SORL1: variants seen among roughly 807,000 people sequenced by gnomAD.
The protein encoded by SORL1 is sortilin related receptor 1, also known as sortilin-related receptor.
In SORL1, 127 loss-of-function variants were observed where a neutral mutation model predicts 273.7. The ratio of observed to expected loss-of-function variants is 0.46; its 90% CI spans 0.40 to 0.54. SORL1 has a LOEUF of 0.54. Among genes scored for constraint, SORL1 ranks in the 20% least tolerant of loss-of-function variants. SORL1 has a pLI of 0.00. For missense variants in SORL1, 2,494 were observed against 2,846.1 expected (o/e 0.88, Z 2.81); for synonymous variants, 1,031 against 1,067.4 (o/e 0.97, Z 0.66).
intron 2 of SORL1, among the ~76,000 whole-genome samples, chr11:121,470,913 C>G (rs1159685282): frequency 6.6e-6 from 1 of 152,000 alleles, no homozygotes; most frequent in Non-Finnish European, 1.5e-5. Context: ...GGTCTCGAAC[C>G]CCTGGGCTCA....
At chr11:121,497,441 T>C (rs1482039846) in intron 6 of SORL1, among the ~76,000 whole-genome samples, 1 of 152,250 alleles carries the variant, frequency 6.6e-6, no homozygotes, top group Non-Finnish European at 1.5e-5. Flanking sequence ...AAACTTATGC[T>C]GATTTCTTTG....
chr11:121,603,043 A>G (rs917660977), intron 32 of SORL1, among the ~76,000 whole-genome samples: 2 of 152,210 alleles, frequency 1.3e-5, no homozygotes, highest in African/African-American at 4.8e-5. Flanking sequence ...CACCACAACC[A>G]GAAAAGGGTC....
intron 23 of SORL1, among the ~76,000 whole-genome samples, chr11:121,573,749 G>A (rs1002484993): frequency 2.6e-5 from 4 of 152,192 alleles, no homozygotes; most frequent in African/African-American, 9.7e-5. Flanking sequence ...GTAGAGCCAC[G>A]ATTTGGTACC....
chr11:121,625,136 G>A lies in SORL1; in HGVS notation c.6223G>A (p.Gly2075Arg). The A allele has an allele frequency of 6.2e-7, 1 of 1,613,382 alleles. No homozygotes were observed. Among genetic ancestry groups the A allele is most frequent in the Non-Finnish European group, 8.5e-7 (1 of 1,179,398 alleles). Residue 2075 changes from glycine (G) to arginine (R), a missense_variant, in exon 46 of 48, where the codon GGG becomes AGG. Gly to Arg is a moderately radical substitution (Grantham distance 125, BLOSUM62 -2). Around this residue, in one of 3 missense-constraint regions of SORL1, gnomAD observed 1,609 missense variants for 1,816.4 expected, o/e 0.89. Coordinates refer to ENST00000260197, the MANE Select transcript of SORL1 (RefSeq NM_003105.6). ...TGCCATGAATATCACAGCTTACCTT[G>A]GGAATACTACTGACAATTTCTTTAA... Reference protein sequence around the residue: ...DSAMNITAYLGNTTDNFFKIS... With the variant: ...DSAMNITAYLRNTTDNFFKIS...
chr11:121,460,525 A>G (rs1860981424), intron 1 of SORL1, among the ~76,000 whole-genome samples: 1 of 150,736 alleles, frequency 6.6e-6, no homozygotes, highest in African/African-American at 2.4e-5. Context: ...CCTCCTGAGT[A>G]GCTGGGATTA....
At chr11:121,559,458 T>C (rs576069454) in intron 20 of SORL1, 61 bp from the exon 21 acceptor site, 2 of 1,560,634 alleles carry the variant, frequency 1.3e-6, no homozygotes, top group Non-Finnish European at 8.7e-7. Flanking sequence ...CTCTTACCCT[T>C]AGAGAGAACC....
chr11:121,625,934 C>A (rs1305890962), intron 46 of SORL1, among the ~76,000 whole-genome samples: 2 of 152,144 alleles, frequency 1.3e-5, no homozygotes, highest in Admixed American at 1.3e-4. Context: ...AGTGCTCAAG[C>A]CAAAATCTTG....
intron 14 of SORL1, among the ~76,000 whole-genome samples, chr11:121,549,086 C>T (rs1357745307): frequency 6.6e-6 from 1 of 152,190 alleles, no homozygotes; most frequent in Non-Finnish European, 1.5e-5. Flanking sequence ...CAGGATGCTG[C>T]CCTTCAAGCT....
chr11:121,494,421 C>T (rs1861598312), intron 5 of SORL1, among the ~76,000 whole-genome samples: 1 of 152,102 alleles, frequency 6.6e-6, no homozygotes, highest in African/African-American at 2.4e-5. Context: ...TTTACATGGT[C>T]CGGAGCTTGA....
In SORL1 at chr11:121,514,331, C is replaced by T; in HGVS notation, c.1211+10C>T. On this transcript the variant is annotated intron_variant, in intron 8 of 47. Transcript: ENST00000260197. ...GTGACACCTTGGTGAGGTAAGGAGA[C>T]TGTGAGTCCTTCTCCTGCCTTCTTA... is the stretch of plus-strand genomic sequence containing the variant. The T allele has an allele frequency of 6.2e-7, 1 of 1,607,792 alleles. No homozygotes were observed. The highest frequency in any genetic ancestry group is 8.5e-7 in the Non-Finnish European group (1 of 1,177,516).
At chr11:121,497,213 G>T (rs1304151992) in intron 6 of SORL1, among the ~76,000 whole-genome samples, 164 bp downstream of exon 6, 2 of 152,222 alleles carry the variant, frequency 1.3e-5, no homozygotes, top group African/African-American at 2.4e-5. Context: ...CGAACATTCC[G>T]AAAGGGCTTG....
At chr11:121,471,272 T>C (rs1861162843) in intron 2 of SORL1, among the ~76,000 whole-genome samples, 1 of 152,216 alleles carries the variant, frequency 6.6e-6, no homozygotes, top group Non-Finnish European at 1.5e-5. Flanking sequence ...GGGCCCAGTG[T>C]TGCCACATCT....
intron 3 of SORL1, among the ~76,000 whole-genome samples, chr11:121,482,389 G>A (rs1437349619): frequency 6.6e-6 from 1 of 152,230 alleles, no homozygotes; most frequent in Non-Finnish European, 1.5e-5. Context: ...TGGGGTTGGA[G>A]AAGTCAGGAG....
chr11:121,484,257 G>T (rs966825921), intron 3 of SORL1, among the ~76,000 whole-genome samples: 3 of 152,186 alleles, frequency 2.0e-5, no homozygotes, highest in Non-Finnish European at 4.4e-5. Flanking sequence ...AGTCTAGAAA[G>T]GGAACTATTG....
chr11:121,457,388 G>A (rs376361565), intron 1 of SORL1, among the ~76,000 whole-genome samples: 4 of 152,248 alleles, frequency 2.6e-5, no homozygotes, highest in African/African-American at 7.2e-5. Flanking sequence ...GCTCCTTTCC[G>A]GGTGGCATCC....
At position 121,580,768 on chromosome 11, in the gene SORL1, C is replaced by G. The variant is rs957756011; in HGVS notation, c.3581-2690C>G. Reference sequence around the variant, plus strand: ...TACAGACATGTGCCATCATGCCTGGCTAATTTTTGTATGTTTTGTAGAGAT... The same window carrying G: ...TACAGACATGTGCCATCATGCCTGGGTAATTTTTGTATGTTTTGTAGAGAT... On this transcript the variant is annotated intron_variant, in intron 25 of 47. Transcript: ENST00000260197. Among the ~76,000 whole-genome samples the G allele has an allele frequency of 2.0e-5, 3 of 151,672 alleles. No individual in the cohort carries two copies. The East Asian group carries it at 5.8e-4, about 29-fold the overall frequency.
At chr11:121,483,129 C>T (rs1326497729) in intron 3 of SORL1, among the ~76,000 whole-genome samples, 1 of 152,262 alleles carries the variant, frequency 6.6e-6, no homozygotes, top group African/African-American at 2.4e-5. Context: ...GGGTCTTGCT[C>T]TGCCATACAT....
At chr11:121,629,260 C>T (rs777517610) in intron 47 of SORL1, 26 of 494,222 alleles carry the variant, frequency 5.3e-5, no homozygotes, top group Non-Finnish European at 7.9e-5. Flanking sequence ...AATTTGGCTA[C>T]GTTCAAACGA....
At chr11:121,520,904 C>G in intron 9 of SORL1, 55 bp downstream of exon 9, 1 of 1,284,368 alleles carries the variant, frequency 7.8e-7, no homozygotes, top group Non-Finnish European at 1.1e-6. Context: ...GAGCCCTGCT[C>G]TGTGGTAGTT....
Sources: allele counts gnomAD v4.1 joint callset (sites outside exome capture counted in the v4.1 genomes callset), GRCh38; gene constraint gnomAD v4.1.1; regional missense constraint gnomAD v4.1.1; transcripts MANE v1.5; gene names NCBI Gene and HGNC (gene_info 2026-07-23, HGNC 2026-07-21).